The following DPP4 variants were observed in gnomAD, a reference collection of about 807,000 sequenced individuals.
The protein encoded by DPP4 is ADCP-2.
Under a neutral mutation model 122.4 loss-of-function variants are expected in DPP4, and 93 were observed. That is an observed-to-expected ratio of 0.76 (90% CI 0.64 to 0.90). The LOEUF (loss-of-function observed/expected upper bound fraction) is 0.90, where lower values mean the gene tolerates loss of function less well. Among genes scored for constraint, DPP4 ranks in the 40% least tolerant of loss-of-function variants. The pLI is 0.00. For synonymous variants in DPP4, 321 were observed against 302.9 expected (o/e 1.06, Z -0.62); for missense variants, 914 against 907.3 (o/e 1.01, Z -0.09).
At chr2:162,073,632 C>G (rs1342685863) in intron 1 of DPP4, 146 bp from the exon 2 acceptor site, 1 of 761,732 alleles carries the variant, frequency 1.3e-6, no homozygotes, top group African/African-American at 1.7e-5. Flanking sequence ...GTGGGGGTGG[C>G]GTCTGGAGTG....
chr2:162,020,445 A>G, intron 13 of DPP4, 136 bp downstream of exon 13: 1 of 961,502 alleles, frequency 1.0e-6, no homozygotes, highest in Non-Finnish European at 1.5e-6. Context: ...CACATGACAC[A>G]ATACACCACT....
Position 161,995,281 on chromosome 2 carries a change from CTAAT to C in DPP4, c.2125+15_2125+18del. 5 of 1,610,578 alleles carry C rather than the reference CTAAT, an allele frequency of 3.1e-6. No individual in the cohort carries two copies. The highest frequency in any genetic ancestry group is 4.2e-6 in the Non-Finnish European group (5 of 1,176,902). ...AAACCTGTCTGTGATACTAAAAAGT[CTAAT>C]TAACTGAAACTCACCATCTGCTGTT... On this transcript the variant is annotated intron_variant, in intron 24 of 25. Coordinates refer to ENST00000360534, the MANE Select transcript of DPP4 (RefSeq NM_001935.4).
At chr2:162,064,005 G>A (rs1684871012) in intron 2 of DPP4, among the ~76,000 whole-genome samples, 1 of 152,176 alleles carries the variant, frequency 6.6e-6, no homozygotes, top group African/African-American at 2.4e-5. Flanking sequence ...TCTTGGGTAG[G>A]AGCCTGAGCA....
At chr2:162,041,993 G>T (rs1198108990) in intron 5 of DPP4, among the ~76,000 whole-genome samples, 1 of 152,192 alleles carries the variant, frequency 6.6e-6, no homozygotes, top group Admixed American at 6.5e-5. Context: ...TGGGGAGGCA[G>T]AGAGGATTAT....
At chr2:162,057,641 A>C (rs1031624433) in intron 2 of DPP4, among the ~76,000 whole-genome samples, 3 of 152,182 alleles carry the variant, frequency 2.0e-5, no homozygotes, top group Non-Finnish European at 4.4e-5. Context: ...TATAAACCTT[A>C]GAGCTTTGAT....
At chr2:162,000,585 A>G (rs1034042905) in intron 23 of DPP4, among the ~76,000 whole-genome samples, 3 of 152,228 alleles carry the variant, frequency 2.0e-5, no homozygotes, top group Non-Finnish European at 4.4e-5. Context: ...CATATTTACA[A>G]AATTGCACCC....
intron 2 of DPP4, among the ~76,000 whole-genome samples, chr2:162,059,384 G>A (rs570409372): frequency 3.3e-5 from 5 of 152,304 alleles, no homozygotes; most frequent in African/African-American, 4.8e-5. Flanking sequence ...GCATTAGGCC[G>A]TGAAATCCGA....
intron 2 of DPP4, among the ~76,000 whole-genome samples, chr2:162,072,645 C>T (rs1685157409): frequency 6.6e-6 from 1 of 152,072 alleles, no homozygotes; most frequent in Non-Finnish European, 1.5e-5. Context: ...AAAGTAAGGC[C>T]AGGGGAGACT....
intron 2 of DPP4, among the ~76,000 whole-genome samples, chr2:162,058,464 A>T (rs1156859259): frequency 1.3e-5 from 2 of 152,218 alleles, no homozygotes; most frequent in Non-Finnish European, 2.9e-5. Context: ...ATATGAGTGA[A>T]ACTTTCAATT....
At chr2:162,058,973 C>A (rs1327013986) in intron 2 of DPP4, among the ~76,000 whole-genome samples, 1 of 152,196 alleles carries the variant, frequency 6.6e-6, no homozygotes. Flanking sequence ...TACCCTGAAA[C>A]AATATCAGCA....
chr2:162,027,348 CA>C (rs3216641), intron 10 of DPP4, among the ~76,000 whole-genome samples: 2,212 of 111,554 alleles, frequency 0.02, 39 homozygotes, highest in African/African-American at 0.06. Context: ...GACTCGGTCT[CA>C]AAAAAAAAAA....
chr2:162,033,427 A>G (rs1274472333), intron 10 of DPP4, 114 bp downstream of exon 10: 1 of 669,894 alleles, frequency 1.5e-6, no homozygotes, highest in East Asian at 3.0e-5. Flanking sequence ...AATGACTGTC[A>G]GCGGGGATGA....
Position 162,039,113 on chromosome 2 carries a change from T to G in DPP4, c.419+19A>C. 1.9e-6 allele frequency: 3 copies of G among 1,612,224 alleles called. No individual in the cohort carries two copies. Among genetic ancestry groups the G allele is most frequent in the African/African-American group, 1.3e-5 (1 of 74,964 alleles). ...TGACAGTAGGAAAGCCTAATAGATT[T>G]TATTGGGAAGTCACTGACCTTTTAT... On this transcript the variant is annotated intron_variant, in intron 6 of 25. Transcript: ENST00000360534.
intron 2 of DPP4, among the ~76,000 whole-genome samples, chr2:162,072,116 C>T (rs1474238013): frequency 1.3e-5 from 2 of 152,082 alleles, no homozygotes; most frequent in Admixed American, 6.5e-5. Context: ...AGGTCAGGGC[C>T]TTTATATTTA....
At chr2:161,996,616 G>A (rs1483712673) in intron 23 of DPP4, among the ~76,000 whole-genome samples, 3 of 152,080 alleles carry the variant, frequency 2.0e-5, no homozygotes, top group Non-Finnish European at 4.4e-5. Flanking sequence ...AGTAGTCCCC[G>A]CTTATTGGCA....
intron 23 of DPP4, among the ~76,000 whole-genome samples, chr2:162,000,828 C>T (rs1256220017): frequency 2.0e-5 from 3 of 152,136 alleles, no homozygotes; most frequent in African/African-American, 7.2e-5. Context: ...TTTCTCTTGC[C>T]CTTGATCTGA....
At chr2:162,005,310 G>GA (rs958939137) in intron 23 of DPP4, among the ~76,000 whole-genome samples, 10 of 151,588 alleles carry the variant, frequency 6.6e-5, no homozygotes, top group South Asian at 2.1e-4. Context: ...AAATCTTTGT[G>GA]AAAAAAAACT....
intron 23 of DPP4, among the ~76,000 whole-genome samples, chr2:162,001,120 T>G (rs964243151): frequency 6.6e-6 from 1 of 152,188 alleles, no homozygotes; most frequent in African/African-American, 2.4e-5. Flanking sequence ...CCTCTCTCCC[T>G]TTTCTAACCC....
At position 162,038,991 on chromosome 2, in the gene DPP4, G is replaced by A. The variant is rs1173193967; in HGVS notation, c.450C>T (p.Asn150=). The A allele has an allele frequency of 6.2e-7, 1 of 1,613,284 alleles. No homozygotes were observed. The highest frequency in any genetic ancestry group is 8.5e-7 in the Non-Finnish European group (1 of 1,179,510). The part of the protein sequence containing the change: ...RQLITEERIP[N]NTQWVTWSPV... ...GTGACCATGTGACCCACTGTGTGTT[G>A]TTTGGAATCCTCTCTTCTGTAATCA... The change falls in exon 7 of 26, where the codon AAC becomes AAT. Residue 150 remains asparagine, a synonymous_variant. Coordinates refer to ENST00000360534, the MANE Select transcript of DPP4 (RefSeq NM_001935.4).
Sources: gnomAD v4.1 joint callset for allele counts (sites outside exome capture counted in the v4.1 genomes callset) on GRCh38, gnomAD v4.1.1 for gene constraint, MANE v1.5 for transcripts, NCBI Gene and HGNC (gene_info 2026-07-23, HGNC 2026-07-21) for gene names.